SEC14L1: variants seen among roughly 807,000 people sequenced by gnomAD.
SEC14L1 encodes SEC14-like protein 1.
SEC14L1 carries 48 observed loss-of-function variants against 85.3 expected under a neutral mutation model. The observed-to-expected ratio is 0.56, with a 90% CI of 0.45 to 0.72. The LOEUF (loss-of-function observed/expected upper bound fraction) is 0.72. Ranked by LOEUF, SEC14L1 falls within the 30% of genes least tolerant of loss-of-function variation. The probability of loss-of-function intolerance (pLI) is 0.00; values close to 1 mark genes in which losing one functional copy is unlikely to be tolerated. For synonymous variants in SEC14L1, 391 were observed against 355.5 expected, an observed-to-expected ratio of 1.10 and a Z score of -1.12; for missense variants, 682 against 921.4, an observed-to-expected ratio of 0.74 and a Z score of 3.36.
intron 3 of SEC14L1, among the ~76,000 whole-genome samples, chr17:77,187,380 C>G (rs1444549534): frequency 2.6e-5 from 4 of 151,476 alleles, no homozygotes; most frequent in African/African-American, 7.3e-5. Context: ...GCCCCCCCCC[C>G]ACACCCCTTT....
chr17:77,155,550 T>A (rs529791370), intron 3 of SEC14L1, among the ~76,000 whole-genome samples: 1 of 152,246 alleles, frequency 6.6e-6, no homozygotes, highest in East Asian at 1.9e-4. Context: ...CACTTTGCTC[T>A]TCTGTAGCCT....
chr17:77,189,547 G>C (rs1209820952), intron 3 of SEC14L1, among the ~76,000 whole-genome samples: 1 of 152,126 alleles, frequency 6.6e-6, no homozygotes, highest in Non-Finnish European at 1.5e-5. Flanking sequence ...TGTATTCTAG[G>C]CACTAGTCCT....
At chr17:77,128,914 G>A (rs1489257322) in intron 3 of SEC14L1, among the ~76,000 whole-genome samples, 1 of 152,136 alleles carries the variant, frequency 6.6e-6, no homozygotes, top group Non-Finnish European at 1.5e-5. Context: ...GGTTTGCCAA[G>A]AAATTCCTTT....
chr17:77,125,036 G>A (rs990805186), intron 3 of SEC14L1, among the ~76,000 whole-genome samples: 25 of 150,426 alleles, frequency 1.7e-4, no homozygotes, highest in African/African-American at 5.8e-4. Flanking sequence ...GTAGAGTCTC[G>A]CTTTGTTGCT....
chr17:77,160,855 T>C (rs565398573), intron 3 of SEC14L1, among the ~76,000 whole-genome samples: 156 of 152,316 alleles, frequency 1.0e-3, no homozygotes, highest in African/African-American at 3.6e-3. Flanking sequence ...TTTTAATGGC[T>C]GAAAGTAAAT....
At chr17:77,133,864 A>T (rs1334764800) in intron 3 of SEC14L1, among the ~76,000 whole-genome samples, 2 of 143,618 alleles carry the variant, frequency 1.4e-5, no homozygotes, top group Non-Finnish European at 3.0e-5. Context: ...ACTAGAACCC[A>T]GGAGGTGGAG....
rs1976972478 is a variant in SEC14L1, at chr17:77,215,089, T to C, written c.*1066T>C. The C allele has an allele frequency of 2.0e-6, 2 of 985,398 alleles. No homozygotes were observed. Among genetic ancestry groups the C allele is most frequent in the African/African-American group, 3.5e-5 (2 of 57,190 alleles). The allele number at this position is 985,398 out of a possible 1,614,324, so 61.0% of individuals were successfully genotyped here. ...TGTGTGTGTGTGCATGTGCTGTGTGTGTGCATGTGTGCATGACGGTGGGGG... is the reference window on the plus strand; with the variant it reads ...TGTGTGTGTGTGCATGTGCTGTGTGCGTGCATGTGTGCATGACGGTGGGGG... On this transcript the variant is annotated 3_prime_UTR_variant, in exon 17 of 17. Transcript: ENST00000436233.
chr17:77,098,354 T>C (rs1216628605), intron 3 of SEC14L1, among the ~76,000 whole-genome samples: 45 of 151,774 alleles, frequency 3.0e-4, no homozygotes, highest in African/African-American at 1.0e-3. Context: ...CAAAAATTAG[T>C]CAGGCGTGGT....
chr17:77,139,497 GATT>G (rs1972905308), upstream of SEC14L1, among the ~76,000 whole-genome samples: 2 of 64,882 alleles, frequency 3.1e-5, no homozygotes, highest in African/African-American at 1.2e-4. Flanking sequence ...AGGTGGATGT[GATT>G]TTTTTTTTTT....
chr17:77,216,693 A>G lies in SEC14L1; in HGVS notation c.*2670A>G, dbSNP rs1034246631. On this transcript the variant is annotated 3_prime_UTR_variant, in exon 17 of 17. Transcript: ENST00000436233. ...TCTGTTCTTTTTAAGTTGATTCGGG[A>G]GTGGCATTCTTTTATACCCAAAGAC... The G allele has an allele frequency of 6.5e-7, 1 of 1,544,152 alleles. No individual in the cohort carries two copies. The highest frequency in any genetic ancestry group is 1.4e-5 in the African/African-American group (1 of 73,252).
chr17:77,179,326 T>G (rs2143729299), intron 3 of SEC14L1, among the ~76,000 whole-genome samples: 1 of 152,322 alleles, frequency 6.6e-6, no homozygotes, highest in African/African-American at 2.4e-5. Context: ...GCTAAAATAC[T>G]TGGAAGTGCA....
In SEC14L1 at chr17:77,213,808, T is replaced by G; in HGVS notation, c.2043-110T>G. The G allele has an allele frequency of 4.4e-6, 6 of 1,354,700 alleles. No homozygotes were observed. The highest frequency in any genetic ancestry group is 1.2e-5 in the South Asian group (1 of 84,954). The allele number at this position is 1,354,700 out of a possible 1,614,324, so 83.9% of individuals were successfully genotyped here. ...CCCCGTTTGCAAGCACTGATGGGGATGAGAAGTGAGCAGAGAACAGGGTGG... is the reference window on the plus strand; with the variant it reads ...CCCCGTTTGCAAGCACTGATGGGGAGGAGAAGTGAGCAGAGAACAGGGTGG... On this transcript the variant is annotated intron_variant, in intron 16 of 16. Transcript: ENST00000436233. This position sits in a 1 kb window ranked among gnomAD's most constrained non-coding sequence, Gnocchi z 7.1.
intron 3 of SEC14L1, among the ~76,000 whole-genome samples, chr17:77,169,326 G>A (rs1598337178): frequency 6.6e-6 from 1 of 152,176 alleles, no homozygotes; most frequent in African/African-American, 2.4e-5. Flanking sequence ...GGCCCTCGGG[G>A]GCTGACCTGC....
intron 3 of SEC14L1, among the ~76,000 whole-genome samples, chr17:77,106,360 C>T (rs540026505): frequency 4.6e-5 from 7 of 152,150 alleles, no homozygotes; most frequent in Admixed American, 1.3e-4. Flanking sequence ...GGTGAAACCC[C>T]GTCTCTACTA....
At position 77,159,817 on chromosome 17, in the gene SEC14L1, C is replaced by T. The variant is rs770209146; in HGVS notation, c.63+16158C>T. 2.6e-5 allele frequency among the ~76,000 whole-genome samples: 4 copies of T among 152,060 alleles called. No individual in the cohort carries two copies. The South Asian group carries it at 6.2e-4, about 24-fold the overall frequency. ...ATTGCCATTGTTGTTAATTTTTTAA[C>T]AAAGAAAGAATAGCATGTAAAAGCT... On this transcript the variant is annotated intron_variant, in intron 3 of 16. Coordinates refer to ENST00000436233, the MANE Select transcript of SEC14L1 (RefSeq NM_001143998.2).
At chr17:77,189,715 G>A (rs151250329) in intron 3 of SEC14L1, among the ~76,000 whole-genome samples, 2 of 152,094 alleles carry the variant, frequency 1.3e-5, no homozygotes, top group Non-Finnish European at 2.9e-5. Flanking sequence ...TGCAAGCTCC[G>A]CTTTCTGGGT....
intron 13 of SEC14L1, among the ~76,000 whole-genome samples, chr17:77,207,301 A>G (rs1976514255): frequency 7.2e-6 from 1 of 139,316 alleles, no homozygotes; most frequent in Non-Finnish European, 1.6e-5. Flanking sequence ...TGGTGCGATC[A>G]CAGCTCAGCA....
At chr17:77,121,368 C>CT (rs753166584) in intron 3 of SEC14L1, among the ~76,000 whole-genome samples, 1 of 151,934 alleles carries the variant, frequency 6.6e-6, no homozygotes, top group East Asian at 1.9e-4. Flanking sequence ...TGTGCACTAT[C>CT]TTTTTTTTGA....
intron 3 of SEC14L1, among the ~76,000 whole-genome samples, chr17:77,101,496 A>G (rs892355269): frequency 6.6e-6 from 1 of 152,144 alleles, no homozygotes; most frequent in African/African-American, 2.4e-5. Flanking sequence ...TTGACCAGAC[A>G]TAATAACTGT....
Sources: allele counts gnomAD v4.1 joint callset (sites outside exome capture counted in the v4.1 genomes callset), GRCh38; gene constraint gnomAD v4.1.1; non-coding constraint Gnocchi (gnomAD v3.1); transcripts MANE v1.5; gene names NCBI Gene and HGNC (gene_info 2026-07-23, HGNC 2026-07-21).